The following NDST3 variants were observed in gnomAD, a reference collection of about 807,000 sequenced individuals.
NDST3 encodes the protein N-deacetylase and N-sulfotransferase 3, also known as bifunctional heparan sulfate N-deacetylase/N-sulfotransferase 3.
A neutral mutation model predicts 96.1 loss-of-function variants in NDST3; 58 were observed. The ratio of observed to expected loss-of-function variants is 0.60; its 90% CI spans 0.49 to 0.75. The LOEUF is 0.75. Ranked by LOEUF, NDST3 falls within the 30% of genes least tolerant of loss-of-function variation. The pLI is 0.00. For missense variants in NDST3, 788 were observed against 1,034.2 expected (o/e 0.76, Z 3.27); for synonymous variants, 333 against 359.7 (o/e 0.93, Z 0.84).
At chr4:118,108,504 A>C (rs918265802) in intron 3 of NDST3, among the ~76,000 whole-genome samples, 1 of 151,748 alleles carries the variant, frequency 6.6e-6, no homozygotes, top group Admixed American at 6.6e-5. Context: ...GAGTACCTTC[A>C]AGGGTTTAAT....
At chr4:118,170,077 A>G (rs1362429752) in intron 6 of NDST3, among the ~76,000 whole-genome samples, 2 of 152,328 alleles carry the variant, frequency 1.3e-5, no homozygotes, top group Non-Finnish European at 2.9e-5. Context: ...AAGTCACAGC[A>G]TCACTTTTGC....
chr4:118,242,891 G>A lies in NDST3; in HGVS notation c.2399+742G>A, dbSNP rs552081353. Among the ~76,000 whole-genome samples, 5 of 152,070 alleles carry A rather than the reference G, an allele frequency of 3.3e-5. No homozygotes were observed. In the East Asian group the frequency reaches 5.8e-4, roughly 18 times the overall value. ...CCTGAGACTGAGTGCTGTGTCCTAG[G>A]TGCCTCTCTTACCTCACCCTAGTGC... is the stretch of plus-strand genomic sequence containing the variant. On this transcript the variant is annotated intron_variant, in intron 12 of 13. Transcript: ENST00000296499.
chr4:118,132,169 C>T (rs1226559960), intron 4 of NDST3, among the ~76,000 whole-genome samples: 1 of 152,088 alleles, frequency 6.6e-6, no homozygotes, highest in African/African-American at 2.4e-5. Flanking sequence ...TCCTCCAGGC[C>T]CCAGGCAGGT....
chr4:118,121,566 T>C (rs757281493), intron 4 of NDST3, among the ~76,000 whole-genome samples: 1 of 152,060 alleles, frequency 6.6e-6, no homozygotes, highest in Non-Finnish European at 1.5e-5. Context: ...AACCAAAGAA[T>C]AGGAAATAAA....
At chr4:118,133,724 T>C (rs1415473721) in intron 4 of NDST3, among the ~76,000 whole-genome samples, 1 of 152,184 alleles carries the variant, frequency 6.6e-6, no homozygotes, top group Admixed American at 6.5e-5. Context: ...ATATTAAAAT[T>C]TCCCTGATAG....
At chr4:118,191,595 GGTATATA>G (rs2125965786) in intron 6 of NDST3, among the ~76,000 whole-genome samples, 1 of 152,238 alleles carries the variant, frequency 6.6e-6, no homozygotes, top group South Asian at 2.1e-4. Context: ...AATTTTTGTG[GGTATATA>G]GTAGGTGTAT....
At chr4:118,122,568 C>T (rs958732929) in intron 4 of NDST3, among the ~76,000 whole-genome samples, 1 of 152,108 alleles carries the variant, frequency 6.6e-6, no homozygotes, top group Non-Finnish European at 1.5e-5. Flanking sequence ...TCAGCCCACA[C>T]CTAGATTATT....
chr4:118,127,025 A>G (rs1049000121), intron 4 of NDST3, among the ~76,000 whole-genome samples: 2 of 151,906 alleles, frequency 1.3e-5, no homozygotes, highest in Non-Finnish European at 2.9e-5. Flanking sequence ...CCCTTTGTCC[A>G]TTAGTTATTC....
intron 6 of NDST3, among the ~76,000 whole-genome samples, chr4:118,171,908 T>TAGGTGTA (rs1359098069): frequency 1.3e-5 from 2 of 152,102 alleles, no homozygotes; most frequent in African/African-American, 4.8e-5. Flanking sequence ...GTAAGCAACG[T>TAGGTGTA]AGGTGTCCTG....
In NDST3 at chr4:118,242,638, G is replaced by A. The variant is rs77558006; in HGVS notation, c.2399+489G>A. ...GTACTATTATCGCTCCTAAACAAAC[G>A]TCCTTTTTTATTTTTTCATCTTTGT... On this transcript the variant is annotated intron_variant, in intron 12 of 13. Transcript: ENST00000296499. Among the ~76,000 whole-genome samples the A allele has an allele frequency of 2.5e-3, 376 of 152,238 alleles. 1 individual carries two copies. Among genetic ancestry groups the A allele is most frequent in the African/African-American group, 8.4e-3 (351 of 41,550 alleles).
At chr4:118,071,214 T>C (rs1190295613) in intron 2 of NDST3, among the ~76,000 whole-genome samples, 1 of 152,100 alleles carries the variant, frequency 6.6e-6, no homozygotes, top group African/African-American at 2.4e-5. Flanking sequence ...AGCAGCATGA[T>C]TTATAATCGT....
chr4:118,254,716 T>A (rs73843413), intron 13 of NDST3, among the ~76,000 whole-genome samples: 304 of 152,336 alleles, frequency 2.0e-3, no homozygotes, highest in African/African-American at 6.7e-3. Context: ...TCCCCCACAA[T>A]TAATACATTA....
At chr4:118,112,554 T>C (rs1039511807) in intron 3 of NDST3, among the ~76,000 whole-genome samples, 11 of 152,220 alleles carry the variant, frequency 7.2e-5, no homozygotes, top group African/African-American at 2.7e-4. Flanking sequence ...TACAGTGTCC[T>C]GGAGACTACA....
intron 6 of NDST3, among the ~76,000 whole-genome samples, chr4:118,171,894 G>A (rs1376493762): frequency 2.0e-5 from 3 of 152,120 alleles, no homozygotes; most frequent in Admixed American, 2.0e-4. Flanking sequence ...CCAGATATGA[G>A]CCAGTAAGCA....
At chr4:118,240,875 T>C (rs1376070181) in intron 11 of NDST3, among the ~76,000 whole-genome samples, 181 bp downstream of exon 11, 1 of 152,222 alleles carries the variant, frequency 6.6e-6, no homozygotes, top group African/African-American at 2.4e-5. Flanking sequence ...TCTAAGAGTA[T>C]TTCAGAATAA....
chr4:118,116,892 C>T (rs1311261672), intron 4 of NDST3, among the ~76,000 whole-genome samples: 1 of 151,848 alleles, frequency 6.6e-6, no homozygotes, highest in Non-Finnish European at 1.5e-5. Flanking sequence ...ATACTTAATA[C>T]ATATGCTAGA....
At chr4:118,127,641 G>C (rs774066401) in intron 4 of NDST3, among the ~76,000 whole-genome samples, 12 of 151,810 alleles carry the variant, frequency 7.9e-5, no homozygotes, top group Non-Finnish European at 1.3e-4. Context: ...TTCCAATTTT[G>C]TTCTTTTTGT....
intron 6 of NDST3, among the ~76,000 whole-genome samples, chr4:118,175,546 CT>C (rs1240855974): frequency 1.3e-5 from 2 of 151,952 alleles, no homozygotes; most frequent in Non-Finnish European, 2.9e-5. Flanking sequence ...AGTATCTTTT[CT>C]CCCCCTACCT....
At chr4:118,238,207 GA>G (rs768062017) in intron 10 of NDST3, among the ~76,000 whole-genome samples, 1 of 135,604 alleles carries the variant, frequency 7.4e-6, no homozygotes, top group African/African-American at 2.9e-5. Flanking sequence ...AAGAAAGAAA[GA>G]AAGAAAGAAA....
Sources: allele counts gnomAD v4.1 joint callset (sites outside exome capture counted in the v4.1 genomes callset), GRCh38; gene constraint gnomAD v4.1.1; transcripts MANE v1.5; gene names NCBI Gene and HGNC (gene_info 2026-07-23, HGNC 2026-07-21).